ANXA10: variants seen among roughly 807,000 people sequenced by gnomAD.
ANXA10 encodes the protein annexin 14.
Under a neutral mutation model 53.5 loss-of-function variants are expected in ANXA10, and 49 were observed. That is an observed-to-expected ratio of 0.92 (90% CI 0.73 to 1.16). ANXA10 has a LOEUF of 1.16. Among genes scored for constraint, ANXA10 ranks in the 50% most tolerant of loss-of-function variants. The probability of loss-of-function intolerance (pLI) is 0.00; values close to 1 mark genes in which losing one functional copy is unlikely to be tolerated. For missense variants in ANXA10, 393 were observed against 394.4 expected, an observed-to-expected ratio of 1.00 and a Z score of 0.03; for synonymous variants, 131 against 128.9, an observed-to-expected ratio of 1.02 and a Z score of -0.11.
chr4:168,155,779 TTATATATTATATATAATATATA>T lies in ANXA10; in HGVS notation c.196-6748_196-6727del, dbSNP rs1731622411. Among the ~76,000 whole-genome samples the T allele has an allele frequency of 3.7e-4, 3 of 8,156 alleles. No homozygotes were observed. In the South Asian group the frequency reaches 8.7e-3, roughly 24 times the overall value. The allele number at this position is 8,156 out of a possible 152,430, so 5.4% of individuals were successfully genotyped here. A position where few individuals can be genotyped will look rare whatever the true frequency, so the allele number is the denominator to read the frequency against. On this transcript the variant is annotated intron_variant, in intron 3 of 11. Coordinates refer to ENST00000359299, the MANE Select transcript of ANXA10 (RefSeq NM_007193.5). ...TATATAATATATGATATATCATATA[TTATATATTATATATAATATATA>T]ATATATGATATATTATATATGATAT...
At position 168,139,380 on chromosome 4, in the gene ANXA10, A is replaced by AC. The variant is rs1731290273; in HGVS notation, c.101-104dup. ...TTAAAATTGTTCCCTGCTGTAAAATACCATCAGGGATAATGCGTGCATACT... is the reference window on the plus strand; with the variant it reads ...TTAAAATTGTTCCCTGCTGTAAAATACCCATCAGGGATAATGCGTGCATACT... On this transcript the variant is annotated intron_variant, in intron 2 of 11. Transcript: ENST00000359299. 3.9e-6 allele frequency: 3 copies of AC among 769,504 alleles called. No homozygotes were observed. In the South Asian group the frequency reaches 7.1e-5, roughly 18 times the overall value. 47.7% of individuals were successfully genotyped at this position (769,504 alleles called of 1,614,324 possible).
At chr4:168,130,521 T>G (rs994079762) in intron 2 of ANXA10, among the ~76,000 whole-genome samples, 1 of 152,080 alleles carries the variant, frequency 6.6e-6, no homozygotes, top group African/African-American at 2.4e-5. Context: ...GCTTCTAATT[T>G]CTGAAGGAGA....
intron 1 of ANXA10, among the ~76,000 whole-genome samples, chr4:168,101,664 A>G (rs1292539265): frequency 6.6e-6 from 1 of 152,102 alleles, no homozygotes; most frequent in Non-Finnish European, 1.5e-5. Context: ...TCTGGATACT[A>G]GTTATACTCA....
chr4:168,096,085 A>G (rs1428409893), intron 1 of ANXA10, among the ~76,000 whole-genome samples: 1 of 152,166 alleles, frequency 6.6e-6, no homozygotes, highest in East Asian at 1.9e-4. Context: ...AAGGAAAAGC[A>G]CTCCATAAAT....
chr4:168,116,959 C>T (rs1730904027), intron 1 of ANXA10, among the ~76,000 whole-genome samples: 1 of 151,676 alleles, frequency 6.6e-6, no homozygotes, highest in Non-Finnish European at 1.5e-5. Flanking sequence ...TGAATTTCCT[C>T]CAGTTTCACT....
intron 2 of ANXA10, 52 bp downstream of exon 2, chr4:168,128,217 C>A: frequency 6.7e-7 from 1 of 1,495,878 alleles, no homozygotes; most frequent in East Asian, 2.3e-5. Flanking sequence ...TTTGCTTTAC[C>A]TTGTTTTAAG....
At chr4:168,124,351 T>G (rs967234788) in intron 1 of ANXA10, among the ~76,000 whole-genome samples, 3 of 152,080 alleles carry the variant, frequency 2.0e-5, no homozygotes, top group Non-Finnish European at 4.4e-5. Context: ...ACACAGAAGT[T>G]CCTTTTAGCT....
At chr4:168,148,723 A>C (rs1337593842) in intron 3 of ANXA10, among the ~76,000 whole-genome samples, 3 of 150,440 alleles carry the variant, frequency 2.0e-5, no homozygotes, top group African/African-American at 7.3e-5. Flanking sequence ...TTATTTGTAC[A>C]TTTTTCTTCT....
intron 4 of ANXA10, among the ~76,000 whole-genome samples, chr4:168,163,402 G>GA (rs1189098953): frequency 6.6e-6 from 1 of 151,980 alleles, no homozygotes; most frequent in Non-Finnish European, 1.5e-5. Flanking sequence ...GAGGCAACAG[G>GA]AAAAAAATTA....
At chr4:168,140,706 C>T (rs930579166) in intron 3 of ANXA10, among the ~76,000 whole-genome samples, 15 of 152,074 alleles carry the variant, frequency 9.9e-5, no homozygotes, top group Non-Finnish European at 1.9e-4. Context: ...GCAACCTCCG[C>T]CTCCTGGGTT....
At chr4:168,132,641 C>T (rs993479533) in intron 2 of ANXA10, among the ~76,000 whole-genome samples, 1 of 151,936 alleles carries the variant, frequency 6.6e-6, no homozygotes, top group Non-Finnish European at 1.5e-5. Flanking sequence ...GGATTGTTTG[C>T]AACTCAATGG....
chr4:168,153,971 T>C lies in ANXA10; in HGVS notation c.196-8557T>C, dbSNP rs572364336. Among the ~76,000 whole-genome samples, 6 of 135,370 alleles carry C rather than the reference T, an allele frequency of 4.4e-5. No homozygotes were observed. The South Asian group carries it at 1.4e-3, about 32-fold the overall frequency. 88.8% of individuals were successfully genotyped at this position (135,370 alleles called of 152,430 possible). On this transcript the variant is annotated intron_variant, in intron 3 of 11. Coordinates refer to ENST00000359299, the MANE Select transcript of ANXA10 (RefSeq NM_007193.5). ...TTACAAAATTAGTTCACTGTAACTA[T>C]AGCTATGTATACACACACACACACA...
At chr4:168,181,584 A>G (rs1312539106) in intron 9 of ANXA10, 99 bp from the exon 10 acceptor site, 2 of 971,888 alleles carry the variant, frequency 2.1e-6, no homozygotes, top group Non-Finnish European at 3.3e-6. Flanking sequence ...AATACAATGT[A>G]AGAATTGTAA....
chr4:168,128,443 T>G (rs1415103072), intron 2 of ANXA10, among the ~76,000 whole-genome samples: 1 of 152,172 alleles, frequency 6.6e-6, no homozygotes, highest in African/African-American at 2.4e-5. Flanking sequence ...AAATGAAATC[T>G]CCACTAAAAC....
intron 3 of ANXA10, among the ~76,000 whole-genome samples, chr4:168,156,386 ATATAT>A (rs538751850): frequency 0.034 from 642 of 19,000 alleles, 9 homozygotes; most frequent in African/African-American, 0.1. Context: ...TATAATTAAT[ATATAT>A]TATATTATAT....
At chr4:168,173,877 C>CT (rs1246192826) in intron 6 of ANXA10, among the ~76,000 whole-genome samples, 2 of 151,792 alleles carry the variant, frequency 1.3e-5, no homozygotes, top group Non-Finnish European at 2.9e-5. Context: ...TGAGTGGTGC[C>CT]TTTTTTTTAG....
chr4:168,098,891 G>A (rs1438174113), intron 1 of ANXA10, among the ~76,000 whole-genome samples: 1 of 152,036 alleles, frequency 6.6e-6, no homozygotes, highest in Non-Finnish European at 1.5e-5. Context: ...TAGATACAGT[G>A]GGAATCAACT....
intron 1 of ANXA10, among the ~76,000 whole-genome samples, chr4:168,124,952 A>C (rs1296818470): frequency 6.6e-6 from 1 of 152,236 alleles, no homozygotes; most frequent in African/African-American, 2.4e-5. Flanking sequence ...ACAGAAATTA[A>C]AAGAAGGCAA....
At chr4:168,160,768 C>T (rs966092974) in intron 3 of ANXA10, among the ~76,000 whole-genome samples, 1 of 152,100 alleles carries the variant, frequency 6.6e-6, no homozygotes, top group African/African-American at 2.4e-5. Flanking sequence ...TGGGGTGAAA[C>T]AATATCTCAC....
Sources: gnomAD v4.1 joint callset for allele counts (sites outside exome capture counted in the v4.1 genomes callset) on GRCh38, gnomAD v4.1.1 for gene constraint, MANE v1.5 for transcripts, NCBI Gene and HGNC (gene_info 2026-07-23, HGNC 2026-07-21) for gene names.